ABLIM1: variants seen among roughly 807,000 people sequenced by gnomAD.
ABLIM1 encodes the protein actin binding LIM protein 1, also known as actin-binding LIM protein 1.
A neutral mutation model predicts 107.0 loss-of-function variants in ABLIM1; 40 were observed. The observed-to-expected ratio is 0.37, with a 90% CI of 0.29 to 0.49. The LOEUF (loss-of-function observed/expected upper bound fraction) is 0.49, where lower values mean the gene tolerates loss of function less well. ABLIM1 is among the 20% of genes least tolerant of loss of function. The pLI, the probability that ABLIM1 is intolerant of heterozygous loss-of-function variation, is 0.97. For synonymous variants in ABLIM1, 357 were observed against 357.3 expected (o/e 1.00, Z 0.01); for missense variants, 857 against 1,008.5 (o/e 0.85, Z 2.04).
intron 1 of ABLIM1, among the ~76,000 whole-genome samples, chr10:114,705,683 G>A (rs1003696117): frequency 4.6e-5 from 7 of 152,188 alleles, no homozygotes; most frequent in Admixed American, 2.0e-4. Flanking sequence ...AACTAAAGCA[G>A]TCTCTCTAAA....
chr10:114,596,011 G>A lies in ABLIM1; in HGVS notation c.379+5816C>T, dbSNP rs939716667. Reference sequence around the variant, plus strand: ...TCTTTCTCCAGCACTGCCCTGCAAGGTGCTTCTATATTTTCTTAGTTGGTG... The same window carrying A: ...TCTTTCTCCAGCACTGCCCTGCAAGATGCTTCTATATTTTCTTAGTTGGTG... On this transcript the variant is annotated intron_variant, in intron 2 of 22. Coordinates refer to ENST00000533213, the MANE Select transcript of ABLIM1 (RefSeq NM_002313.7). 2.6e-5 allele frequency among the ~76,000 whole-genome samples: 4 copies of A among 152,112 alleles called. No individual in the cohort carries two copies. The East Asian group carries it at 5.8e-4, about 22-fold the overall frequency.
intron 20 of ABLIM1, chr10:114,439,865 C>A: frequency 1.5e-6 from 1 of 685,988 alleles, no homozygotes; most frequent in Non-Finnish European, 2.4e-6. Flanking sequence ...CCCCCTACAC[C>A]TGGCCTGGTT....
intron 20 of ABLIM1, 140 bp downstream of exon 20, chr10:114,439,942 G>A (rs1007477240): frequency 2.8e-6 from 4 of 1,436,818 alleles, no homozygotes; most frequent in African/African-American, 2.8e-5. Flanking sequence ...GCTCTTCACG[G>A]CTATAGAGTA....
intron 1 of ABLIM1, chr10:114,690,322 T>A: frequency 6.3e-7 from 1 of 1,598,822 alleles, no homozygotes. Flanking sequence ...GAACCGTTTG[T>A]GTTGGGTCCA....
intron 12 of ABLIM1, among the ~76,000 whole-genome samples, chr10:114,453,867 G>C (rs966704415): frequency 3.9e-5 from 6 of 152,126 alleles, no homozygotes; most frequent in Admixed American, 3.9e-4. Flanking sequence ...TAAAGGAGCG[G>C]GCTAGGCAAA....
intron 1 of ABLIM1, among the ~76,000 whole-genome samples, chr10:114,656,612 A>G (rs938655802): frequency 6.6e-6 from 1 of 152,156 alleles, no homozygotes; most frequent in Non-Finnish European, 1.5e-5. Context: ...AGAAAAAAAA[A>G]CCTTGTATAT....
intron 8 of ABLIM1, among the ~76,000 whole-genome samples, chr10:114,475,300 T>G (rs1456638813): frequency 6.6e-6 from 1 of 152,230 alleles, no homozygotes; most frequent in East Asian, 1.9e-4. Context: ...CAGTCTTGGC[T>G]TAAATATCAC....
chr10:114,655,136 G>A (rs2079440466), intron 1 of ABLIM1, among the ~76,000 whole-genome samples: 1 of 152,168 alleles, frequency 6.6e-6, no homozygotes. Context: ...AACGCACTTG[G>A]AATCACTAAC....
chr10:114,607,769 A>G (rs2076525265), intron 1 of ABLIM1, among the ~76,000 whole-genome samples: 1 of 152,234 alleles, frequency 6.6e-6, no homozygotes, highest in African/African-American at 2.4e-5. Context: ...ATCATAAAAA[A>G]CAAAGAACAT....
rs59301055 is a variant in ABLIM1 at position 114,473,619 on chromosome 10, T to G, written c.1119+260A>C. 2.8e-3 allele frequency among the ~76,000 whole-genome samples: 419 copies of G among 152,226 alleles called. 4 individuals are homozygous for G. Among genetic ancestry groups the G allele is most frequent in the African/African-American group, 9.4e-3 (391 of 41,560 alleles). On this transcript the variant is annotated intron_variant, in intron 9 of 22. Coordinates refer to ENST00000533213, the MANE Select transcript of ABLIM1 (RefSeq NM_002313.7). ...AATTTTTTTTTTTGAGACGGAGTCT[T>G]AGGTGCAAGAATTTTTTAAGTCCCG...
rs936271081 is a variant in ABLIM1, at chr10:114,451,538, A to G, written c.1594+86T>C. The G allele has an allele frequency of 5.6e-6, 7 of 1,256,660 alleles. No individual in the cohort carries two copies. The African/African-American group carries it at 1.0e-4, about 19-fold the overall frequency. The allele number at this position is 1,256,660 out of a possible 1,614,324, so 77.8% of individuals were successfully genotyped here. On this transcript the variant is annotated intron_variant, in intron 14 of 22. Transcript: ENST00000533213. ...CCCCAGTTTTACTCTCAAAAGCAGC[A>G]GCAGGAAAAGCCTTTCAGAGGACAG...
intron 1 of ABLIM1, among the ~76,000 whole-genome samples, chr10:114,678,257 T>A (rs1480379739): frequency 6.6e-6 from 1 of 152,232 alleles, no homozygotes; most frequent in Non-Finnish European, 1.5e-5. Context: ...CAAGTAATAT[T>A]TTGAAAGAAT....
At chr10:114,721,639 G>A (rs1334488711) in intron 1 of ABLIM1, among the ~76,000 whole-genome samples, 1 of 151,948 alleles carries the variant, frequency 6.6e-6, no homozygotes, top group Non-Finnish European at 1.5e-5. Flanking sequence ...GCACCACTAC[G>A]TCTGGCTAAT....
chr10:114,516,838 C>G (rs900378606), intron 6 of ABLIM1, among the ~76,000 whole-genome samples: 6 of 152,182 alleles, frequency 3.9e-5, no homozygotes, highest in African/African-American at 1.4e-4. Context: ...CCTCTGTTTC[C>G]TTTCAGTTAG....
At position 114,451,612 on chromosome 10, in the gene ABLIM1, A is replaced by T. The variant is rs1287271282; in HGVS notation, c.1594+12T>A. ...GCTATTTAAAAGCTACGCGGAGGAA[A>T]GCGGGTTTTACCATGCTGTTTGTAG... On this transcript the variant is annotated intron_variant, in intron 14 of 22. Coordinates refer to ENST00000533213, the MANE Select transcript of ABLIM1 (RefSeq NM_002313.7). 1 of 1,610,508 alleles carries T rather than the reference A, an allele frequency of 6.2e-7. No homozygotes were observed. Among genetic ancestry groups the T allele is most frequent in the East Asian group, 2.2e-5 (1 of 44,868 alleles).
upstream of ABLIM1, among the ~76,000 whole-genome samples, chr10:114,663,164 T>C (rs755175164): frequency 6.6e-6 from 1 of 152,182 alleles, no homozygotes; most frequent in Non-Finnish European, 1.5e-5. Context: ...CTCCTTCCCA[T>C]TGGAACTTTC....
chr10:114,689,710 T>G (rs951090329), upstream of ABLIM1, among the ~76,000 whole-genome samples: 1 of 151,982 alleles, frequency 6.6e-6, no homozygotes, highest in Admixed American at 6.6e-5. Context: ...GCCTCCTTCC[T>G]TTCCTTTTTT....
In ABLIM1 at chr10:114,692,893, C is replaced by T. The variant is rs371879650; in HGVS notation, c.-213+75168G>A. The stretch of plus-strand genomic sequence containing the variant: ...CAACAGAGCAAGACTCCATCTCACA[C>T]ACACACAAAAAAAATGCATTTAAAC... On this transcript the variant is annotated intron_variant, in intron 1 of 15. Transcript: ENST00000651092. Among the ~76,000 whole-genome samples, 3 of 152,188 alleles carry T rather than the reference C, an allele frequency of 2.0e-5. No individual in the cohort carries two copies. In the East Asian group the frequency reaches 5.8e-4, roughly 29 times the overall value.
At chr10:114,764,345 C>T (rs960938056) in intron 1 of ABLIM1, among the ~76,000 whole-genome samples, 2 of 152,124 alleles carry the variant, frequency 1.3e-5, no homozygotes, top group Non-Finnish European at 2.9e-5. Flanking sequence ...AATAAAGTTG[C>T]TTTTCTTATG....
Sources: allele counts gnomAD v4.1 joint callset (sites outside exome capture counted in the v4.1 genomes callset), GRCh38; gene constraint gnomAD v4.1.1; transcripts MANE v1.5; gene names NCBI Gene and HGNC (gene_info 2026-07-23, HGNC 2026-07-21).